PLCB1: variants seen among roughly 807,000 people sequenced by gnomAD.
The protein encoded by PLCB1 is phospholipase C beta 1.
Under a neutral mutation model 161.8 loss-of-function variants are expected in PLCB1, and 46 were observed. The ratio of observed to expected loss-of-function variants is 0.28; its 90% CI spans 0.22 to 0.36. The LOEUF is 0.36. Among genes scored for constraint, PLCB1 ranks in the 10% least tolerant of loss-of-function variants. The pLI, the probability that PLCB1 is intolerant of heterozygous loss-of-function variation, is 1.00. For synonymous variants in PLCB1, 517 were observed against 503.7 expected, an observed-to-expected ratio of 1.03 and a Z score of -0.35; for missense variants, 1,016 against 1,472.5, an observed-to-expected ratio of 0.69 and a Z score of 5.07.
At chr20:8,493,471 A>C (rs1231037704) in intron 3 of PLCB1, among the ~76,000 whole-genome samples, 1 of 152,242 alleles carries the variant, frequency 6.6e-6, no homozygotes, top group Admixed American at 6.5e-5. Context: ...GGTAGGTTTC[A>C]TTAGAGGAGA....
chr20:8,697,246 G>A (rs911110302), intron 10 of PLCB1, among the ~76,000 whole-genome samples: 1 of 152,082 alleles, frequency 6.6e-6, no homozygotes, highest in Non-Finnish European at 1.5e-5. Flanking sequence ...GGAAACTTGG[G>A]CAACCGAACT....
chr20:8,571,709 A>ACT (rs1380508223), intron 3 of PLCB1, among the ~76,000 whole-genome samples: 7 of 152,300 alleles, frequency 4.6e-5, no homozygotes, highest in African/African-American at 7.2e-5. Flanking sequence ...ATAAAGGCTA[A>ACT]CTCAATTATT....
At chr20:8,158,891 C>T (rs980960780) in intron 2 of PLCB1, among the ~76,000 whole-genome samples, 22 of 152,228 alleles carry the variant, frequency 1.4e-4, no homozygotes, top group South Asian at 4.1e-4. Context: ...TGGGCAACTC[C>T]GCCCCTGTGG....
intron 10 of PLCB1, among the ~76,000 whole-genome samples, chr20:8,687,451 G>A (rs759153960): frequency 4.6e-5 from 7 of 152,158 alleles, no homozygotes; most frequent in African/African-American, 9.7e-5. Flanking sequence ...CATCACCCGA[G>A]CAGTATACAC....
At chr20:8,578,867 G>A (rs1474568001) in intron 3 of PLCB1, among the ~76,000 whole-genome samples, 6 of 152,142 alleles carry the variant, frequency 3.9e-5, no homozygotes, top group Admixed American at 6.5e-5. Flanking sequence ...ATAACAAAAT[G>A]GATATTCATA....
At position 8,784,282 on chromosome 20, in the gene PLCB1, G is replaced by A. The variant is rs150636241; in HGVS notation, c.3112-4167G>A. ...GAGGGTCTTCTGAAAACTAGCTGAG[G>A]TCGGGCTCGGTGGCTCACACCTGTA... is the stretch of plus-strand genomic sequence containing the variant. On this transcript the variant is annotated intron_variant, in intron 27 of 31. Coordinates refer to ENST00000338037, the MANE Select transcript of PLCB1 (RefSeq NM_015192.4). Among the ~76,000 whole-genome samples the A allele has an allele frequency of 2.4e-3, 362 of 152,244 alleles. 3 individuals are homozygous for A. The highest frequency in any genetic ancestry group is 7.7e-3 in the African/African-American group (320 of 41,536).
At chr20:8,756,339 C>T (rs1981736477) in intron 23 of PLCB1, among the ~76,000 whole-genome samples, 1 of 152,198 alleles carries the variant, frequency 6.6e-6, no homozygotes. Flanking sequence ...CCCAAAATCA[C>T]ACTGCTGGTA....
intron 3 of PLCB1, among the ~76,000 whole-genome samples, chr20:8,569,969 G>A (rs1298641765): frequency 1.3e-5 from 2 of 152,150 alleles, no homozygotes; most frequent in Non-Finnish European, 2.9e-5. Context: ...AAGCCCAAGG[G>A]TTGGGCTTCA....
At chr20:8,575,972 T>C (rs1461474267) in intron 3 of PLCB1, among the ~76,000 whole-genome samples, 1 of 152,232 alleles carries the variant, frequency 6.6e-6, no homozygotes, top group Non-Finnish European at 1.5e-5. Flanking sequence ...GCAAATTAAC[T>C]AAGTCATAAG....
At chr20:8,514,387 C>G (rs1473093306) in intron 3 of PLCB1, among the ~76,000 whole-genome samples, 1 of 147,902 alleles carries the variant, frequency 6.8e-6, no homozygotes, top group Non-Finnish European at 1.5e-5. Flanking sequence ...TTGTAGTGAG[C>G]TGAGATTAGG....
chr20:8,611,096 A>G (rs1317503107), intron 3 of PLCB1, among the ~76,000 whole-genome samples: 1 of 152,016 alleles, frequency 6.6e-6, no homozygotes, highest in Non-Finnish European at 1.5e-5. Context: ...TTAAAATTTT[A>G]CTTTTATTTA....
chr20:8,786,808 A>T (rs1983509571), intron 27 of PLCB1, among the ~76,000 whole-genome samples: 1 of 150,922 alleles, frequency 6.6e-6, no homozygotes, highest in Non-Finnish European at 1.5e-5. Flanking sequence ...GATTCAAGTG[A>T]TTCTCCTGCC....
rs141736421 is a variant in PLCB1 at position 8,360,215 on chromosome 20, A to G, written c.178-11167A>G. Among the ~76,000 whole-genome samples, 475 of 152,286 alleles carry G rather than the reference A, an allele frequency of 3.1e-3. 2 individuals are homozygous for G. The highest frequency in any genetic ancestry group is 6.8e-3 in the Middle Eastern group (2 of 294). On this transcript the variant is annotated intron_variant, in intron 2 of 31. Coordinates refer to ENST00000338037, the MANE Select transcript of PLCB1 (RefSeq NM_015192.4). ...TCTGGGGAGATCTAGCATCTCAGGC[A>G]CTTCCTGCTCTCTACACATCTGAGT...
intron 3 of PLCB1, among the ~76,000 whole-genome samples, chr20:8,613,606 G>T (rs1987964046): frequency 6.6e-6 from 1 of 152,150 alleles, no homozygotes; most frequent in Non-Finnish European, 1.5e-5. Flanking sequence ...AGATTGAAAA[G>T]AAACTATCAG....
intron 2 of PLCB1, among the ~76,000 whole-genome samples, chr20:8,337,042 A>T (rs1985608036): frequency 2.0e-5 from 3 of 152,308 alleles, no homozygotes; most frequent in East Asian, 1.9e-4. Flanking sequence ...TAATATGAAG[A>T]TTATATTTAA....
chr20:8,601,455 T>C (rs987449650), intron 3 of PLCB1, among the ~76,000 whole-genome samples: 1 of 152,334 alleles, frequency 6.6e-6, no homozygotes, highest in South Asian at 2.1e-4. Flanking sequence ...CTCCCACTTA[T>C]AAGTGAGAAC....
At chr20:8,406,928 A>G (rs1661570279) in intron 3 of PLCB1, among the ~76,000 whole-genome samples, 1 of 152,168 alleles carries the variant, frequency 6.6e-6, no homozygotes, top group African/African-American at 2.4e-5. Context: ...GTGGTGTTTC[A>G]GAGTAGGAAA....
At chr20:8,173,618 A>G (rs1270295285) in intron 2 of PLCB1, among the ~76,000 whole-genome samples, 1 of 152,242 alleles carries the variant, frequency 6.6e-6, no homozygotes, top group Non-Finnish European at 1.5e-5. Flanking sequence ...CATCATACTA[A>G]GAGCTGAGAA....
chr20:8,510,354 G>A (rs2122846730), intron 3 of PLCB1, among the ~76,000 whole-genome samples: 1 of 149,802 alleles, frequency 6.7e-6, no homozygotes, highest in Middle Eastern at 3.4e-3. Context: ...TTTATTTTAG[G>A]ATAACTCTGA....
Sources: gnomAD v4.1 joint callset for allele counts (sites outside exome capture counted in the v4.1 genomes callset) on GRCh38, gnomAD v4.1.1 for gene constraint, MANE v1.5 for transcripts, NCBI Gene and HGNC (gene_info 2026-07-23, HGNC 2026-07-21) for gene names.